MED12L: variants seen among roughly 807,000 people sequenced by gnomAD.
MED12L encodes the protein mediator of RNA polymerase II transcription subunit 12-like protein.
MED12L carries 60 observed loss-of-function variants against 281.3 expected under a neutral mutation model. The ratio of observed to expected loss-of-function variants is 0.21; its 90% CI spans 0.17 to 0.26. The LOEUF is 0.26. Among genes scored for constraint, MED12L ranks in the 10% least tolerant of loss-of-function variants. The pLI is 1.00. For synonymous variants in MED12L, 974 were observed against 987.2 expected, an observed-to-expected ratio of 0.99 and a Z score of 0.25; for missense variants, 2,146 against 2,680.9, an observed-to-expected ratio of 0.80 and a Z score of 4.41.
intron 21 of MED12L, among the ~76,000 whole-genome samples, chr3:151,364,370 A>G (rs1020729750): frequency 6.6e-6 from 1 of 152,136 alleles, no homozygotes; most frequent in South Asian, 2.1e-4. Context: ...ATACAACATG[A>G]TAAGTTTTTA....
At chr3:151,264,649 G>C (rs1282977714) in intron 16 of MED12L, among the ~76,000 whole-genome samples, 1 of 152,122 alleles carries the variant, frequency 6.6e-6, no homozygotes, top group Non-Finnish European at 1.5e-5. Context: ...ATCAATGCTG[G>C]GAGCAGGAGC....
intron 16 of MED12L, among the ~76,000 whole-genome samples, chr3:151,317,520 A>G (rs1215359212): frequency 8.2e-6 from 1 of 121,842 alleles, no homozygotes; most frequent in Non-Finnish European, 1.6e-5. Context: ...GCATGATCTC[A>G]GCTTGCTGCA....
chr3:151,122,032 G>A (rs1713838985), intron 3 of MED12L, among the ~76,000 whole-genome samples: 1 of 152,016 alleles, frequency 6.6e-6, no homozygotes, highest in Admixed American at 6.6e-5. Context: ...TAAATTTTTA[G>A]ATATTACTTT....
intron 2 of MED12L, among the ~76,000 whole-genome samples, chr3:151,087,381 G>A (rs1201412534): frequency 6.6e-6 from 1 of 152,198 alleles, no homozygotes; most frequent in African/African-American, 2.4e-5. Flanking sequence ...GTAAATCGTC[G>A]TAAACTTTTT....
chr3:151,275,247 C>T (rs921673825), intron 16 of MED12L, among the ~76,000 whole-genome samples: 4 of 152,062 alleles, frequency 2.6e-5, no homozygotes, highest in Non-Finnish European at 5.9e-5. Flanking sequence ...GTGTACAGAT[C>T]GCTTTGGGCC....
rs140553172 is a variant in MED12L, at chr3:151,213,494, A to G, written c.2250+19828A>G. On this transcript the variant is annotated intron_variant, in intron 16 of 44. Coordinates refer to ENST00000687756, the MANE Select transcript of MED12L (RefSeq NM_001393769.1). ...AGTAGCAGAGTGAATTCTTTCATATACCGCAAGATTTCTTTTGACTGGCAG... is the reference window on the plus strand; with the variant it reads ...AGTAGCAGAGTGAATTCTTTCATATGCCGCAAGATTTCTTTTGACTGGCAG... 949 of 1,614,108 alleles carry G rather than the reference A, an allele frequency of 5.9e-4. 8 individuals carry two copies. The African/African-American group carries it at 0.011, about 19-fold the overall frequency.
At chr3:151,292,704 A>G (rs1559990667) in intron 16 of MED12L, among the ~76,000 whole-genome samples, 1 of 151,186 alleles carries the variant, frequency 6.6e-6, no homozygotes, top group Non-Finnish European at 1.5e-5. Context: ...TTCCGAGTAG[A>G]TGGGATTACA....
At chr3:151,129,043 T>C (rs1051058779) in intron 5 of MED12L, among the ~76,000 whole-genome samples, 1 of 152,224 alleles carries the variant, frequency 6.6e-6, no homozygotes, top group Non-Finnish European at 1.5e-5. Context: ...TAAAGAGTTA[T>C]ATATAAATAT....
At chr3:151,374,224 A>G (rs1031908152) in intron 27 of MED12L, among the ~76,000 whole-genome samples, 3 of 151,936 alleles carry the variant, frequency 2.0e-5, no homozygotes, top group Non-Finnish European at 4.4e-5. Context: ...CGCTTTGTCA[A>G]AAAATGATTA....
intron 16 of MED12L, among the ~76,000 whole-genome samples, chr3:151,302,897 T>C (rs529018616): frequency 5.9e-5 from 9 of 152,298 alleles, no homozygotes; most frequent in Non-Finnish European, 8.8e-5. Flanking sequence ...AATAGACCAT[T>C]TCAATATCGA....
rs1441929947 is a variant in MED12L at position 151,190,925 on chromosome 3, A to G, written c.1962A>G (p.Lys654=). ...DEHYSKDHDV[K]MEEQSIMAHM... ...ACTATTCAAAGGACCATGATGTGAA[A>G]ATGGAGGTATGGCCCTGGATATGAT... The change falls in exon 14 of 45, where the codon AAA becomes AAG. Residue 654 remains lysine (K), a synonymous_variant. Coordinates refer to ENST00000687756, the MANE Select transcript of MED12L (RefSeq NM_001393769.1). The G allele has an allele frequency of 6.2e-7, 1 of 1,614,092 alleles. No homozygotes were observed. Among genetic ancestry groups the G allele is most frequent in the African/African-American group, 1.3e-5 (1 of 75,044 alleles).
chr3:151,204,703 G>A (rs1409025959), intron 16 of MED12L, among the ~76,000 whole-genome samples: 6 of 152,226 alleles, frequency 3.9e-5, no homozygotes, highest in African/African-American at 1.4e-4. Flanking sequence ...AGATGAAAGG[G>A]AGAGAATTTA....
At chr3:151,323,687 G>T (rs1749252149) in intron 16 of MED12L, among the ~76,000 whole-genome samples, 1 of 152,102 alleles carries the variant, frequency 6.6e-6, no homozygotes, top group African/African-American at 2.4e-5. Flanking sequence ...CTTCTGTGGT[G>T]TGTCTCTCAC....
chr3:151,244,022 G>T (rs1167084093), intron 16 of MED12L, among the ~76,000 whole-genome samples: 1 of 125,500 alleles, frequency 8.0e-6, no homozygotes, highest in Non-Finnish European at 1.8e-5. Flanking sequence ...GACAAAGAAG[G>T]CCATTACATA....
chr3:151,370,868 T>C (rs1163597571), intron 26 of MED12L, among the ~76,000 whole-genome samples: 1 of 152,188 alleles, frequency 6.6e-6, no homozygotes, highest in East Asian at 1.9e-4. Flanking sequence ...ACTGGCCCCA[T>C]GATTTGTAGG....
At chr3:151,243,464 A>C (rs1330325478) in intron 16 of MED12L, among the ~76,000 whole-genome samples, 2 of 152,198 alleles carry the variant, frequency 1.3e-5, no homozygotes, top group East Asian at 3.8e-4. Context: ...CCAATATTCA[A>C]CATTCTTAAA....
intron 43 of MED12L, among the ~76,000 whole-genome samples, chr3:151,430,073 A>C (rs116812704): frequency 1.1e-3 from 163 of 152,334 alleles, no homozygotes; most frequent in African/African-American, 3.8e-3. Context: ...ATAAATGCCA[A>C]CTAATAACCT....
At chr3:151,259,277 C>G (rs1738423677) in intron 16 of MED12L, among the ~76,000 whole-genome samples, 1 of 152,190 alleles carries the variant, frequency 6.6e-6, no homozygotes, top group Non-Finnish European at 1.5e-5. Context: ...GAAATAGGCA[C>G]TCCTTTTGAA....
chr3:151,229,473 AT>A (rs59434401), intron 16 of MED12L, among the ~76,000 whole-genome samples: 2,111 of 90,090 alleles, frequency 0.023, 57 homozygotes, highest in African/African-American at 0.085. Context: ...TGCCCGGCTA[AT>A]TTTTTTTTTT....
Sources: gnomAD v4.1 joint callset for allele counts (sites outside exome capture counted in the v4.1 genomes callset) on GRCh38, gnomAD v4.1.1 for gene constraint, MANE v1.5 for transcripts, NCBI Gene and HGNC (gene_info 2026-07-23, HGNC 2026-07-21) for gene names.